Variants in NEXN observed in about 807,000 individuals in gnomAD.
NEXN encodes nexilin.
Under a neutral mutation model 92.6 loss-of-function variants are expected in NEXN, and 65 were observed. The observed-to-expected ratio is 0.70, with a 90% CI of 0.57 to 0.86. The LOEUF (loss-of-function observed/expected upper bound fraction) is 0.86. NEXN is among the 40% of genes least tolerant of loss of function. The pLI is 0.00. For missense variants in NEXN, 778 were observed against 771.1 expected, an observed-to-expected ratio of 1.01 and a Z score of -0.11; for synonymous variants, 254 against 242.5, an observed-to-expected ratio of 1.05 and a Z score of -0.44.
intron 5 of NEXN, among the ~76,000 whole-genome samples, chr1:77,923,978 GCT>G (rs1389652709): frequency 6.6e-6 from 1 of 152,002 alleles, no homozygotes; most frequent in Non-Finnish European, 1.5e-5. Flanking sequence ...GCCTGGCCAA[GCT>G]CTCACTTTTT....
intron 1 of NEXN, among the ~76,000 whole-genome samples, chr1:77,896,100 G>A (rs1250936232): frequency 3.9e-5 from 6 of 151,916 alleles, no homozygotes; most frequent in Non-Finnish European, 8.8e-5. Context: ...GAACCCAGGA[G>A]GCAAAGGTTG....
At chr1:77,938,227 T>C (rs1189933722) in intron 11 of NEXN, among the ~76,000 whole-genome samples, 1 of 152,232 alleles carries the variant, frequency 6.6e-6, no homozygotes, top group African/African-American at 2.4e-5. Context: ...TAGTTGTAGA[T>C]AAACCTTTTC....
rs1316520615 is a variant in NEXN, at chr1:77,894,208, C to T, written c.-53+5449C>T. 3.3e-5 allele frequency among the ~76,000 whole-genome samples: 5 copies of T among 152,026 alleles called. No individual in the cohort carries two copies. In the South Asian group the frequency reaches 8.3e-4, roughly 25 times the overall value. ...CTGACCTCAGGTGATCCACCTGCCT[C>T]GGCCTCCCAAAGTGCTAGGATTACA... On this transcript the variant is annotated intron_variant, in intron 1 of 12. Transcript: ENST00000334785.
At chr1:77,920,557 G>A (rs977905642) in intron 5 of NEXN, among the ~76,000 whole-genome samples, 1 of 145,400 alleles carries the variant, frequency 6.9e-6, no homozygotes, top group Non-Finnish European at 1.5e-5. Flanking sequence ...GGAGTTTCAG[G>A]ATGCAGTGAG....
chr1:77,930,424 C>T (rs893041246), intron 9 of NEXN, among the ~76,000 whole-genome samples: 2 of 152,184 alleles, frequency 1.3e-5, no homozygotes, highest in African/African-American at 4.8e-5. Flanking sequence ...TTACAACTTG[C>T]CTGGGGCCAA....
intron 11 of NEXN, 75 bp from the exon 12 acceptor site, chr1:77,941,948 A>G (rs1360034867): frequency 2.1e-6 from 3 of 1,438,560 alleles, no homozygotes; most frequent in Non-Finnish European, 2.9e-6. Context: ...GTGCTTCTAA[A>G]CACCTTTAGA....
chr1:77,917,750 A>G lies in NEXN; in HGVS notation c.212A>G (p.Lys71Arg). Residue 71 changes from lysine (K) to arginine (R), a missense_variant, in exon 3 of 13, where the codon AAG becomes AGG. Around this residue, in one of 3 missense-constraint regions of NEXN, gnomAD observed 236 missense variants for 265.6 expected, o/e 0.89. Transcript: ENST00000334785. ...AGAGAGAGAGAATGGAACAGGAGAAAGCAGGAGGTTATTTTATTTTACTTT... is the reference window on the plus strand; with the variant it reads ...AGAGAGAGAGAATGGAACAGGAGAAGGCAGGAGGTTATTTTATTTTACTTT... ...YIREREWNRRKQEIKEMLASD... is the reference protein window; with the variant it reads ...YIREREWNRRRQEIKEMLASD... 6.2e-7 allele frequency: 1 copy of G among 1,605,534 alleles called. No homozygotes were observed. The highest frequency in any genetic ancestry group is 8.5e-7 in the Non-Finnish European group (1 of 1,172,936).
intron 1 of NEXN, among the ~76,000 whole-genome samples, chr1:77,895,919 T>C (rs1308540662): frequency 6.6e-6 from 1 of 152,146 alleles, no homozygotes; most frequent in African/African-American, 2.4e-5. Context: ...CTCACATCTG[T>C]AATCCCAGCA....
chr1:77,938,170 C>G (rs1379084796), intron 11 of NEXN, among the ~76,000 whole-genome samples: 1 of 152,118 alleles, frequency 6.6e-6, no homozygotes, highest in Admixed American at 6.6e-5. Context: ...ACCAATCAAT[C>G]TGATTTGCAT....
chr1:77,906,405 G>A (rs989187951), intron 1 of NEXN, among the ~76,000 whole-genome samples: 3 of 151,862 alleles, frequency 2.0e-5, no homozygotes, highest in Non-Finnish European at 4.4e-5. Flanking sequence ...TTCTTCCACC[G>A]TCAATGTTTT....
At position 77,929,423 on chromosome 1, in the gene NEXN, T is replaced by C. The variant is rs1468523523; in HGVS notation, c.972T>C (p.Asp324=). 6 of 1,612,896 alleles carry C rather than the reference T, an allele frequency of 3.7e-6. No individual in the cohort carries two copies. The South Asian group carries it at 5.5e-5, about 15-fold the overall frequency. ...FEEMERQRRE[D]EKRKAEEEAR... is the part of the protein sequence containing the mutation. Reference sequence around the variant, plus strand: ...AAATGGAAAGGCAAAGAAGAGAAGATGAAAAAAGGAAAGCAGAAGAAGAAG... The same window carrying C: ...AAATGGAAAGGCAAAGAAGAGAAGACGAAAAAAGGAAAGCAGAAGAAGAAG... The change falls in exon 9 of 13, where the codon GAT becomes GAC. Residue 324 remains aspartate (D), a synonymous_variant. Transcript: ENST00000334785.
intron 1 of NEXN, among the ~76,000 whole-genome samples, chr1:77,892,555 G>A (rs1199968907): frequency 2.6e-5 from 4 of 152,234 alleles, no homozygotes; most frequent in South Asian, 2.1e-4. Context: ...TGAGTATGCA[G>A]TCCCCGATCT....
At chr1:77,917,510 T>A in intron 2 of NEXN, 56 bp from the exon 3 acceptor site, 2 of 1,260,426 alleles carry the variant, frequency 1.6e-6, no homozygotes, top group Non-Finnish European at 2.3e-6. Context: ...TATCTTTACC[T>A]AATTTCTTCC....
intron 11 of NEXN, among the ~76,000 whole-genome samples, chr1:77,941,139 T>C (rs1490416749): frequency 1.3e-5 from 2 of 152,192 alleles, no homozygotes; most frequent in Non-Finnish European, 2.9e-5. Context: ...TTCCCTTTAG[T>C]TGGATGTGGC....
chr1:77,916,907 C>T (rs72685346), intron 2 of NEXN, among the ~76,000 whole-genome samples: 4,131 of 152,156 alleles, frequency 0.027, 99 homozygotes, highest in South Asian at 0.11. Context: ...TCTTACAGCC[C>T]GCCCCCATAT....
chr1:77,940,103 C>T (rs1233218060), intron 11 of NEXN, among the ~76,000 whole-genome samples: 1 of 152,136 alleles, frequency 6.6e-6, no homozygotes, highest in Non-Finnish European at 1.5e-5. Flanking sequence ...TGTTTATATT[C>T]TTTCAAGGCT....
chr1:77,926,877 A>C lies in NEXN; in HGVS notation c.849A>C (p.Glu283Asp). Residue 283 changes from glutamate (E) to aspartate (D), a missense_variant, in exon 8 of 13, where the codon GAA becomes GAC. Coordinates refer to ENST00000334785, the MANE Select transcript of NEXN (RefSeq NM_144573.4). ...RLEEEKRAFE[E>D]ARRQMVNEDE... is the part of the protein sequence containing the mutation. Reference sequence around the variant, plus strand: ...AAGAAGAGAAGCGTGCTTTTGAAGAAGCAAGGCGGCAAATGGTAAATCTAC... The same window carrying C: ...AAGAAGAGAAGCGTGCTTTTGAAGACGCAAGGCGGCAAATGGTAAATCTAC... 6.2e-7 allele frequency: 1 copy of C among 1,613,978 alleles called. No individual in the cohort carries two copies. Among genetic ancestry groups the C allele is most frequent in the Admixed American group, 1.7e-5 (1 of 60,030 alleles).
At position 77,936,113 on chromosome 1, in the gene NEXN, G is replaced by A. The variant is rs1398172508; in HGVS notation, c.1473+69G>A. 6.5e-6 allele frequency: 8 copies of A among 1,228,272 alleles called. No homozygotes were observed. In the South Asian group the frequency reaches 9.2e-5, roughly 14 times the overall value. 76.1% of individuals were successfully genotyped at this position (1,228,272 alleles called of 1,614,324 possible). ...TAATAAATTTAACAGAAGTAACATTGGCTTTGAAATAAGTTTTAGTACTTA... is the reference window on the plus strand; with the variant it reads ...TAATAAATTTAACAGAAGTAACATTAGCTTTGAAATAAGTTTTAGTACTTA... On this transcript the variant is annotated intron_variant, in intron 11 of 12. Coordinates refer to ENST00000334785, the MANE Select transcript of NEXN (RefSeq NM_144573.4).
At chr1:77,915,988 A>G in intron 1 of NEXN, 67 bp from the exon 2 acceptor site, 1 of 479,458 alleles carries the variant, frequency 2.1e-6, no homozygotes, top group Non-Finnish European at 3.1e-6. Flanking sequence ...TGCTATTTCT[A>G]TTTATAAAAA....
Sources: gnomAD v4.1 joint callset for allele counts (sites outside exome capture counted in the v4.1 genomes callset) on GRCh38, gnomAD v4.1.1 for gene constraint, gnomAD v4.1.1 regional missense constraint, MANE v1.5 for transcripts, NCBI Gene and HGNC (gene_info 2026-07-23, HGNC 2026-07-21) for gene names.